RNF138: variants seen among roughly 807,000 people sequenced by gnomAD.
RNF138 encodes E3 ubiquitin-protein ligase RNF138.
In RNF138, 12 loss-of-function variants were observed where a neutral mutation model predicts 31.0. The ratio of observed to expected loss-of-function variants is 0.39; its 90% CI spans 0.25 to 0.63. The LOEUF is 0.63. RNF138 is among the 20% of genes least tolerant of loss of function. The pLI is 0.52. For missense variants in RNF138, 192 were observed against 300.1 expected (o/e 0.64, Z 2.66); for synonymous variants, 105 against 99.5 (o/e 1.06, Z -0.33).
At chr18:32,102,493 G>C (rs912290754) in intron 2 of RNF138, among the ~76,000 whole-genome samples, 12 of 151,970 alleles carry the variant, frequency 7.9e-5, no homozygotes, top group Non-Finnish European at 7.4e-5. Context: ...GAGCCACTGT[G>C]CCTGGCCCTT....
Position 32,092,147 on chromosome 18 carries a change from A to C in RNF138, c.-166A>C, listed in dbSNP as rs1427697653. On this transcript the variant is annotated 5_prime_UTR_variant, in exon 1 of 8. Transcript: ENST00000261593. ...GCTGCGAAGATAGCGGCGGCCGGAC[A>C]GGAAGCTCGAGGAAAGCGCTGGGCC... The C allele has an allele frequency of 6.6e-6, 1 of 152,658 alleles. No individual in the cohort carries two copies. The highest frequency in any genetic ancestry group is 2.0e-4 in the South Asian group (1 of 4,914). 9.5% of individuals were successfully genotyped at this position (152,658 alleles called of 1,614,324 possible).
intron 7 of RNF138, among the ~76,000 whole-genome samples, chr18:32,128,780 G>A (rs2040425278): frequency 6.6e-6 from 1 of 152,092 alleles, no homozygotes; most frequent in Non-Finnish European, 1.5e-5. Context: ...CTGAATAGTT[G>A]CAACTACAGG....
intron 4 of RNF138, among the ~76,000 whole-genome samples, chr18:32,122,768 G>C (rs1598863561): frequency 1.3e-5 from 2 of 152,192 alleles, no homozygotes; most frequent in Non-Finnish European, 2.9e-5. Flanking sequence ...AGGTTGCAGT[G>C]AGCCAAGATT....
intron 4 of RNF138, among the ~76,000 whole-genome samples, chr18:32,123,049 C>G (rs928542335): frequency 1.3e-5 from 2 of 152,092 alleles, no homozygotes; most frequent in South Asian, 4.1e-4. Flanking sequence ...AAATAAAATA[C>G]AAACATAATG....
In RNF138 at chr18:32,123,500, T is replaced by C; in HGVS notation, c.393-18T>C. 3 of 1,534,956 alleles carry C rather than the reference T, an allele frequency of 2.0e-6. No individual in the cohort carries two copies. Among genetic ancestry groups the C allele is most frequent in the South Asian group, 1.2e-5 (1 of 82,624 alleles). ...TCATTACTTTGAGGTATTAACTTTT[T>C]CCCCTGTGCTTCTTAAGCAATAGGA... On this transcript the variant is annotated intron_variant, in intron 4 of 7. Transcript: ENST00000261593.
chr18:32,120,244 A>T (rs1197930803), intron 4 of RNF138, among the ~76,000 whole-genome samples: 1 of 152,154 alleles, frequency 6.6e-6, no homozygotes, highest in Non-Finnish European at 1.5e-5. Flanking sequence ...CCCTGAATTT[A>T]AGGTTTCCCC....
Position 32,111,799 on chromosome 18 carries a change from A to G in RNF138, c.156A>G (p.Ala52=), listed in dbSNP as rs149299151. The G allele has an allele frequency of 2.2e-5, 36 of 1,613,720 alleles. No homozygotes were observed. Among genetic ancestry groups the G allele is most frequent in the Non-Finnish European group, 3.1e-5 (36 of 1,179,892 alleles). ...TGACTGCAATGAGGGAAAGCGGAGC[A>G]CATTGTCCCCTATGTCGTGGAAATG... is the stretch of plus-strand genomic sequence containing the variant. ...CFLTAMRESG[A]HCPLCRGNVT... The change falls in exon 3 of 8, where the codon GCA becomes GCG. Residue 52 remains alanine (A), a synonymous_variant. Coordinates refer to ENST00000261593, the MANE Select transcript of RNF138 (RefSeq NM_016271.5).
intron 4 of RNF138, 85 bp from the exon 5 acceptor site, chr18:32,123,430 GTCT>G: frequency 1.2e-6 from 1 of 832,022 alleles, no homozygotes; most frequent in African/African-American, 1.8e-5. Flanking sequence ...ATTCAGACTA[GTCT>G]TCTTCATTAA....
At chr18:32,095,076 GA>G (rs1439277360) in intron 2 of RNF138, among the ~76,000 whole-genome samples, 2 of 152,158 alleles carry the variant, frequency 1.3e-5, no homozygotes. Context: ...GGCAGAGGGA[GA>G]AAAAAAGTTT....
At chr18:32,119,343 T>C (rs2040266789) in intron 4 of RNF138, among the ~76,000 whole-genome samples, 1 of 152,186 alleles carries the variant, frequency 6.6e-6, no homozygotes, top group African/African-American at 2.4e-5. Context: ...CAAACAGTCC[T>C]CCCGCCTTGG....
rs749182385 is a variant in RNF138, at chr18:32,131,244, A to ATACTT, written c.*2060_*2064dup. 1 of 152,128 alleles carries ATACTT rather than the reference A, an allele frequency of 6.6e-6. No individual in the cohort carries two copies. The highest frequency in any genetic ancestry group is 1.5e-5 in the Non-Finnish European group (1 of 67,956). The allele number at this position is 152,128 out of a possible 1,614,324, so 9.4% of individuals were successfully genotyped here. On this transcript the variant is annotated 3_prime_UTR_variant, in exon 8 of 8. Coordinates refer to ENST00000261593, the MANE Select transcript of RNF138 (RefSeq NM_016271.5). ...ACATATCAGCTTTTTCATAAGGAAA[A>ATACTT]TACTTTATTTGCTTTTATCTGAGAA...
Position 32,092,837 on chromosome 18 carries a change from TGTCAGG to T in RNF138, c.62_67del (p.Cys21_Glu23delinsTer). 1 of 1,596,764 alleles carries T rather than the reference TGTCAGG, an allele frequency of 6.3e-7. No individual in the cohort carries two copies. The highest frequency in any genetic ancestry group is 8.5e-7 in the Non-Finnish European group (1 of 1,174,194). ...CGAAGATGATTTCTACTGCCCCGTC[TGTCAGG>T]AGGTGCTCAAAACGCCCGTGCGGAC... is the stretch of plus-strand genomic sequence containing the variant. On this transcript the variant is annotated stop_gained and inframe_deletion, in exon 2 of 8. Coordinates refer to ENST00000261593, the MANE Select transcript of RNF138 (RefSeq NM_016271.5). LOFTEE classifies it high-confidence loss of function.
chr18:32,106,687 C>T (rs2040034964), intron 2 of RNF138, among the ~76,000 whole-genome samples: 1 of 151,904 alleles, frequency 6.6e-6, no homozygotes, highest in Non-Finnish European at 1.5e-5. Flanking sequence ...GCCTCAGCCT[C>T]TTGAGTAGCT....
At chr18:32,094,833 C>T (rs749990975) in intron 2 of RNF138, among the ~76,000 whole-genome samples, 1 of 152,128 alleles carries the variant, frequency 6.6e-6, no homozygotes, top group African/African-American at 2.4e-5. Flanking sequence ...TTCTAATTAT[C>T]CTTTGGGTCA....
At chr18:32,122,193 CT>C (rs1343440989) in intron 4 of RNF138, among the ~76,000 whole-genome samples, 1 of 152,106 alleles carries the variant, frequency 6.6e-6, no homozygotes, top group African/African-American at 2.4e-5. Context: ...ACAGTGAAGT[CT>C]GCTTGCTCGC....
intron 2 of RNF138, among the ~76,000 whole-genome samples, chr18:32,098,735 C>T (rs1328519883): frequency 6.6e-6 from 1 of 151,830 alleles, no homozygotes; most frequent in African/African-American, 2.4e-5. Flanking sequence ...CGCCTGTAAT[C>T]CCAGCTGTTC....
At chr18:32,120,710 A>G (rs1312845941) in intron 4 of RNF138, among the ~76,000 whole-genome samples, 3 of 152,202 alleles carry the variant, frequency 2.0e-5, no homozygotes, top group Non-Finnish European at 2.9e-5. Flanking sequence ...GAGAGTTATA[A>G]TGGTAGATAG....
At chr18:32,126,298 A>G (rs2040382601) in intron 6 of RNF138, among the ~76,000 whole-genome samples, 1 of 152,210 alleles carries the variant, frequency 6.6e-6, no homozygotes, top group Non-Finnish European at 1.5e-5. Context: ...CTTCATTTTT[A>G]TTTTACTTAC....
intron 4 of RNF138, among the ~76,000 whole-genome samples, chr18:32,122,231 T>C (rs1038789062): frequency 2.6e-5 from 4 of 152,166 alleles, no homozygotes; most frequent in Non-Finnish European, 5.9e-5. Context: ...GAGATAACAT[T>C]GTTATCTTCA....
Sources: allele counts gnomAD v4.1 joint callset (sites outside exome capture counted in the v4.1 genomes callset), GRCh38; gene constraint gnomAD v4.1.1; transcripts MANE v1.5; gene names NCBI Gene and HGNC (gene_info 2026-07-23, HGNC 2026-07-21).